Variants in ASXL3 observed in about 807,000 individuals in gnomAD.
ASXL3 encodes the protein putative Polycomb group protein ASXL3.
Under a neutral mutation model 170.6 loss-of-function variants are expected in ASXL3, and 34 were observed. That is an observed-to-expected ratio of 0.20 (90% CI 0.15 to 0.27). The LOEUF (loss-of-function observed/expected upper bound fraction) is 0.27. Ranked by LOEUF, ASXL3 falls within the 10% of genes least tolerant of loss-of-function variation. The pLI, the probability that ASXL3 is intolerant of heterozygous loss-of-function variation, is 1.00. For synonymous variants in ASXL3, 1,002 were observed against 989.1 expected (o/e 1.01, Z -0.24); for missense variants, 2,592 against 2,695.3 (o/e 0.96, Z 0.85).
intron 5 of ASXL3, among the ~76,000 whole-genome samples, chr18:33,665,188 A>G (rs2066237582): frequency 6.6e-6 from 1 of 152,196 alleles, no homozygotes. Context: ...AGCAAGTGAC[A>G]TGGTAGTGAA....
At chr18:33,633,327 G>T (rs1044331665) in intron 2 of ASXL3, among the ~76,000 whole-genome samples, 3 of 152,048 alleles carry the variant, frequency 2.0e-5, no homozygotes, top group Non-Finnish European at 4.4e-5. Context: ...GAAATTAAAT[G>T]CAAACTAAGT....
chr18:33,673,806 C>T (rs1177532287), intron 7 of ASXL3, among the ~76,000 whole-genome samples: 3 of 152,204 alleles, frequency 2.0e-5, no homozygotes, highest in African/African-American at 7.2e-5. Context: ...CTGCATGCCA[C>T]TAAATACCTT....
Position 33,701,418 on chromosome 18 carries a change from C to T in ASXL3, c.879+17850C>T, listed in dbSNP as rs2066872339. ...GCTTAACAATACCAAGTCCTCTGAT[C>T]TGTCCACAGAGGATGAATTTCCACT... On this transcript the variant is annotated intron_variant, in intron 8 of 11. Transcript: ENST00000269197. 2.0e-5 allele frequency among the ~76,000 whole-genome samples: 3 copies of T among 152,106 alleles called. No homozygotes were observed. In the South Asian group the frequency reaches 6.2e-4, roughly 31 times the overall value.
At chr18:33,728,024 T>C (rs1203390207) in intron 8 of ASXL3, among the ~76,000 whole-genome samples, 1 of 152,182 alleles carries the variant, frequency 6.6e-6, no homozygotes, top group Non-Finnish European at 1.5e-5. Context: ...CTGTCAGAGC[T>C]AATCTGGATC....
At chr18:33,682,245 G>T (rs2066526140) in intron 7 of ASXL3, among the ~76,000 whole-genome samples, 1 of 152,254 alleles carries the variant, frequency 6.6e-6, no homozygotes, top group Non-Finnish European at 1.5e-5. Context: ...AACTTTATTT[G>T]CTAAAGCAGG....
rs763690932 is a variant in ASXL3, at chr18:33,745,761, A to G, written c.5913A>G (p.Gly1971=). 8.1e-6 allele frequency: 13 copies of G among 1,613,962 alleles called. No homozygotes were observed. In the Admixed American group the frequency reaches 2.2e-4, roughly 27 times the overall value. ...TCAACAGGCATCTTGAACAGAAGGG[A>G]TTGGGAGAGGTTAGTCTTTCCTCAG... The part of the protein sequence containing the change: ...FAFNRHLEQK[G]LGEVSLSSAP... Residue 1971 remains glycine, a synonymous_variant, in exon 12 of 12, where the codon GGA becomes GGG. Transcript: ENST00000269197.
intron 5 of ASXL3, among the ~76,000 whole-genome samples, chr18:33,663,112 T>C (rs1337682795): frequency 1.3e-5 from 2 of 152,102 alleles, no homozygotes; most frequent in African/African-American, 4.8e-5. Flanking sequence ...GAGAACAAAA[T>C]TGAAATTGGT....
Position 33,739,829 on chromosome 18 carries a change from G to A in ASXL3, c.2425G>A (p.Glu809Lys), listed in dbSNP as rs749484741. Residue 809 changes from glutamate to lysine, a missense_variant, in exon 11 of 12, where the codon GAA becomes AAA. Physicochemically the swap from Glu to Lys is moderately conservative, Grantham distance 56. Around this residue, in one of 4 missense-constraint regions of ASXL3, gnomAD observed 2,246 missense variants for 2,219.6 expected, o/e 1.01. Coordinates refer to ENST00000269197, the MANE Select transcript of ASXL3 (RefSeq NM_030632.3). ...GCAGAAGAATCTGTCTAATACTCCCGAACCCATCATAATGAGTTCTTCTTC... is the reference window on the plus strand; with the variant it reads ...GCAGAAGAATCTGTCTAATACTCCCAAACCCATCATAATGAGTTCTTCTTC... Reference protein sequence around the residue: ...SQQKNLSNTPEPIIMSSSSIA... With the variant: ...SQQKNLSNTPKPIIMSSSSIA... 1.2e-5 allele frequency: 20 copies of A among 1,613,660 alleles called. No homozygotes were observed. Among genetic ancestry groups the A allele is most frequent in the East Asian group, 4.5e-5 (2 of 44,866 alleles).
intron 8 of ASXL3, among the ~76,000 whole-genome samples, chr18:33,700,962 A>G (rs149891798): frequency 6.6e-6 from 1 of 152,158 alleles, no homozygotes; most frequent in East Asian, 1.9e-4. Flanking sequence ...GTCAGAGAGA[A>G]GAGCACGATA....
intron 2 of ASXL3, among the ~76,000 whole-genome samples, chr18:33,632,456 C>T (rs1415072703): frequency 6.6e-6 from 1 of 152,120 alleles, no homozygotes; most frequent in African/African-American, 2.4e-5. Context: ...ATGTACATAT[C>T]TGAATTTTGG....
At chr18:33,731,646 A>G (rs1452987053) in intron 8 of ASXL3, among the ~76,000 whole-genome samples, 1 of 152,134 alleles carries the variant, frequency 6.6e-6, no homozygotes, top group African/African-American at 2.4e-5. Context: ...CTCACCAACT[A>G]CATAAGAAGC....
At chr18:33,700,666 C>A (rs2066857174) in intron 8 of ASXL3, among the ~76,000 whole-genome samples, 1 of 152,050 alleles carries the variant, frequency 6.6e-6, no homozygotes, top group African/African-American at 2.4e-5. Flanking sequence ...GATAAGGGCC[C>A]TGAATTTGAA....
intron 5 of ASXL3, among the ~76,000 whole-genome samples, chr18:33,668,185 G>A (rs2066287547): frequency 6.6e-6 from 1 of 152,042 alleles, no homozygotes; most frequent in Non-Finnish European, 1.5e-5. Context: ...AAGTACTTTG[G>A]GAGGCTGAGG....
chr18:33,669,950 C>G lies in ASXL3; in HGVS notation c.478-723C>G, dbSNP rs191599212. ...ATGTCTTTTATTACATTATCATCAC[C>G]GTGGTCGATTCATTTATGAAACACA... is the stretch of plus-strand genomic sequence containing the variant. On this transcript the variant is annotated intron_variant, in intron 5 of 11. Coordinates refer to ENST00000269197, the MANE Select transcript of ASXL3 (RefSeq NM_030632.3). 8.9e-4 allele frequency among the ~76,000 whole-genome samples: 135 copies of G among 152,250 alleles called. 1 individual carries two copies. The highest frequency in any genetic ancestry group is 1.7e-3 in the Non-Finnish European group (116 of 68,028).
Position 33,746,805 on chromosome 18 carries a change from G to C in ASXL3, c.*210G>C. On this transcript the variant is annotated 3_prime_UTR_variant, in exon 12 of 12. Transcript: ENST00000269197. The stretch of plus-strand genomic sequence containing the variant: ...TGGCTCACTGGCATGTCTTTTATGT[G>C]TTCAGTTGCCATTCCTAGCTTTGGA... 1.4e-6 allele frequency: 1 copy of C among 713,326 alleles called. No individual in the cohort carries two copies. Among genetic ancestry groups the C allele is most frequent in the East Asian group, 3.0e-5 (1 of 33,828 alleles). 44.2% of individuals were successfully genotyped at this position (713,326 alleles called of 1,614,324 possible). A position where few individuals can be genotyped will look rare whatever the true frequency, so the allele number is the denominator to read the frequency against.
rs568221465 is a variant in ASXL3 at position 33,676,222 on chromosome 18, C to CAAAAAAAAAAAAAAAAAAAAAAAAA, written c.715+4357_715+4381dup. ...CTGGGTGACGAGCGAGACTCCGTCTCAAAAAAAAAAAAAAAAAAAAAAAAA... is the reference window on the plus strand; with the variant it reads ...CTGGGTGACGAGCGAGACTCCGTCTCAAAAAAAAAAAAAAAAAAAAAAAAAAAAAAAAAAAAAAAAAAAAAAAAAA... On this transcript the variant is annotated intron_variant, in intron 7 of 11. Coordinates refer to ENST00000269197, the MANE Select transcript of ASXL3 (RefSeq NM_030632.3). Among the ~76,000 whole-genome samples, 30 of 41,728 alleles carry CAAAAAAAAAAAAAAAAAAAAAAAAA rather than the reference C, an allele frequency of 7.2e-4. 3 individuals are homozygous for CAAAAAAAAAAAAAAAAAAAAAAAAA. The highest frequency in any genetic ancestry group is 1.2e-3 in the South Asian group (1 of 844). The allele number at this position is 41,728 out of a possible 152,430, so 27.4% of individuals were successfully genotyped here.
rs1353954586 is a variant in ASXL3, at chr18:33,739,115, A to C, written c.1711A>C (p.Lys571Gln). ...AACTGCAGTAGAGACCAGTACCCCCAAAATAAAAACAGGGTCATCTTCTCT... is the reference window on the plus strand; with the variant it reads ...AACTGCAGTAGAGACCAGTACCCCCCAAATAAAAACAGGGTCATCTTCTCT... ...SETAVETSTP[K>Q]IKTGSSSLEG... is the part of the protein sequence containing the mutation. Residue 571 changes from lysine (K) to glutamine (Q), a missense_variant, in exon 11 of 12, where the codon AAA becomes CAA. Physicochemically the swap from Lys to Gln is moderately conservative, Grantham distance 53. Around this residue, in one of 4 missense-constraint regions of ASXL3, gnomAD observed 2,246 missense variants for 2,219.6 expected, o/e 1.01. Transcript: ENST00000269197. 5.0e-6 allele frequency: 8 copies of C among 1,613,314 alleles called. No individual in the cohort carries two copies. Among genetic ancestry groups the C allele is most frequent in the Non-Finnish European group, 6.8e-6 (8 of 1,179,630 alleles).
At chr18:33,677,555 A>C (rs1370945858) in intron 7 of ASXL3, among the ~76,000 whole-genome samples, 1 of 152,174 alleles carries the variant, frequency 6.6e-6, no homozygotes, top group Non-Finnish European at 1.5e-5. Context: ...CTTTTTAACT[A>C]CTCATTTCAA....
At position 33,735,739 on chromosome 18, in the gene ASXL3, A is replaced by G. The variant is rs192863226; in HGVS notation, c.1082+1324A>G. ...TCTTTTTAGTAATGGCAGAAGCATA[A>G]CTGAGATAGTACCTCCAAAGCATTG... On this transcript the variant is annotated intron_variant, in intron 10 of 11. Coordinates refer to ENST00000269197, the MANE Select transcript of ASXL3 (RefSeq NM_030632.3). Among the ~76,000 whole-genome samples, 110 of 152,234 alleles carry G rather than the reference A, an allele frequency of 7.2e-4. 2 individuals carry two copies. The highest frequency in any genetic ancestry group is 2.5e-3 in the Admixed American group (38 of 15,294).
Sources: gnomAD v4.1 joint callset for allele counts (sites outside exome capture counted in the v4.1 genomes callset) on GRCh38, gnomAD v4.1.1 for gene constraint, gnomAD v4.1.1 regional missense constraint, MANE v1.5 for transcripts, NCBI Gene and HGNC (gene_info 2026-07-23, HGNC 2026-07-21) for gene names.